ZMIZ1: variants seen among roughly 807,000 people sequenced by gnomAD.
The protein encoded by ZMIZ1 is zinc finger MIZ-type containing 1, also known as zinc finger MIZ domain-containing protein 1.
ZMIZ1 carries 17 observed loss-of-function variants against 113.9 expected under a neutral mutation model. The ratio of observed to expected loss-of-function variants is 0.15; its 90% CI spans 0.10 to 0.22. The LOEUF is 0.22. Ranked by LOEUF, ZMIZ1 falls within the 10% of genes least tolerant of loss-of-function variation. The probability of loss-of-function intolerance (pLI) is 1.00; values close to 1 mark genes in which losing one functional copy is unlikely to be tolerated. For synonymous variants in ZMIZ1, 607 were observed against 603.1 expected (o/e 1.01, Z -0.09); for missense variants, 1,059 against 1,477.8 (o/e 0.72, Z 4.65).
At chr10:79,199,848 A>G (rs1847996657) in intron 4 of ZMIZ1, among the ~76,000 whole-genome samples, 1 of 152,228 alleles carries the variant, frequency 6.6e-6, no homozygotes, top group Admixed American at 6.5e-5. Context: ...CAAGAGCTAC[A>G]CATCCTTTAA....
In ZMIZ1 at chr10:79,293,295, A is replaced by G. The variant is rs547227216; in HGVS notation, c.958-86A>G. ...CCCTCCCCACTCCTCCACCTCCCCA[A>G]CCCTTCCCTCCCTGCACTTTCAATG... On this transcript the variant is annotated intron_variant, in intron 11 of 24. Coordinates refer to ENST00000334512, the MANE Select transcript of ZMIZ1 (RefSeq NM_020338.4). The G allele has an allele frequency of 6.0e-4, 889 of 1,474,522 alleles. 2 individuals are homozygous for G. The African/African-American group carries it at 0.012, about 19-fold the overall frequency. The allele number at this position is 1,474,522 out of a possible 1,614,324, so 91.3% of individuals were successfully genotyped here. A position where few individuals can be genotyped will look rare whatever the true frequency, so the allele number is the denominator to read the frequency against.
In ZMIZ1 at chr10:79,081,028, C is replaced by T. The variant is rs148118038; in HGVS notation, c.-337+11758C>T. Among the ~76,000 whole-genome samples the T allele has an allele frequency of 5.3e-5, 8 of 152,276 alleles. No individual in the cohort carries two copies. The South Asian group carries it at 1.7e-3, about 32-fold the overall frequency. On this transcript the variant is annotated intron_variant, in intron 1 of 24. Coordinates refer to ENST00000334512, the MANE Select transcript of ZMIZ1 (RefSeq NM_020338.4). Reference sequence around the variant, plus strand: ...ATGACTTATGCCCCATCTACGCTATCCCCATAGAGCACCTTCCCATGTGGG... The same window carrying T: ...ATGACTTATGCCCCATCTACGCTATTCCCATAGAGCACCTTCCCATGTGGG...
At chr10:79,204,052 C>T (rs576433111) in intron 5 of ZMIZ1, among the ~76,000 whole-genome samples, 1 of 152,352 alleles carries the variant, frequency 6.6e-6, no homozygotes, top group African/African-American at 2.4e-5. Flanking sequence ...CATCTGTCTG[C>T]TCCACAGCTG....
At chr10:79,259,815 T>A (rs1851152455) in intron 7 of ZMIZ1, among the ~76,000 whole-genome samples, 1 of 152,190 alleles carries the variant, frequency 6.6e-6, no homozygotes, top group Non-Finnish European at 1.5e-5. Flanking sequence ...TTTCACCATG[T>A]TGGCCAAGCT....
intron 7 of ZMIZ1, among the ~76,000 whole-genome samples, chr10:79,235,148 T>C (rs1315816446): frequency 1.3e-5 from 2 of 152,214 alleles, no homozygotes; most frequent in African/African-American, 4.8e-5. Context: ...TGTCAGCTCA[T>C]GTCCAGAGCC....
chr10:79,305,037 C>G (rs1854585429), intron 19 of ZMIZ1, 127 bp from the exon 20 acceptor site: 1 of 1,041,992 alleles, frequency 9.6e-7, no homozygotes, highest in Non-Finnish European at 1.5e-6. Flanking sequence ...CACCCAGCCC[C>G]AGCCCGGGGT....
At chr10:79,079,090 C>T (rs1368061658) in intron 1 of ZMIZ1, among the ~76,000 whole-genome samples, 3 of 152,232 alleles carry the variant, frequency 2.0e-5, no homozygotes, top group East Asian at 1.9e-4. Flanking sequence ...TTTAACCCAC[C>T]CTCCAGCCTC....
At chr10:79,283,986 A>G (rs1108618) in intron 8 of ZMIZ1, among the ~76,000 whole-genome samples, 68,006 of 152,074 alleles carry the variant, frequency 0.45, 15,666 homozygotes, top group African/African-American at 0.56. Flanking sequence ...AATTAATTAG[A>G]GTCTGACAAT....
chr10:79,263,443 G>A (rs1265040249), intron 7 of ZMIZ1, among the ~76,000 whole-genome samples: 2 of 152,154 alleles, frequency 1.3e-5, no homozygotes, highest in African/African-American at 2.4e-5. Flanking sequence ...CCAGCAAAGC[G>A]CAGCCCATCT....
At chr10:79,290,162 T>A (rs2132025000) in intron 9 of ZMIZ1, among the ~76,000 whole-genome samples, 1 of 152,318 alleles carries the variant, frequency 6.6e-6, no homozygotes, top group East Asian at 1.9e-4. Context: ...CCTAGCCCAT[T>A]TGCTCTGGTA....
At chr10:79,266,087 C>T (rs1273855607) in intron 7 of ZMIZ1, among the ~76,000 whole-genome samples, 1 of 152,204 alleles carries the variant, frequency 6.6e-6, no homozygotes, top group Non-Finnish European at 1.5e-5. Flanking sequence ...CACTTGGAGG[C>T]CAGGGCTGAT....
intron 3 of ZMIZ1, among the ~76,000 whole-genome samples, chr10:79,161,079 G>A (rs892133268): frequency 1.3e-5 from 2 of 152,188 alleles, no homozygotes; most frequent in African/African-American, 2.4e-5. Context: ...TTGGTGGGCC[G>A]TTGAGGAGAT....
chr10:79,114,965 C>T (rs896696435), intron 1 of ZMIZ1, among the ~76,000 whole-genome samples: 5 of 152,178 alleles, frequency 3.3e-5, no homozygotes, highest in African/African-American at 1.2e-4. Flanking sequence ...GGAGGACTTG[C>T]TAAAAATTTA....
intron 1 of ZMIZ1, among the ~76,000 whole-genome samples, chr10:79,083,531 GC>G (rs554677972): frequency 4.7e-4 from 71 of 151,264 alleles, no homozygotes; most frequent in African/African-American, 1.7e-3. Context: ...TGATTTGGAA[GC>G]CACTGAAGGA....
At position 79,220,699 on chromosome 10, in the gene ZMIZ1, C is replaced by T. The variant is rs139349195; in HGVS notation, c.280+4425C>T. ...CCTGTCCATCTCTAGCTTCCCGTGG[C>T]TTTCTCTGCCTTCCTGGGTTTCTCT... On this transcript the variant is annotated intron_variant, in intron 7 of 24. Coordinates refer to ENST00000334512, the MANE Select transcript of ZMIZ1 (RefSeq NM_020338.4). Among the ~76,000 whole-genome samples, 181 of 152,344 alleles carry T rather than the reference C, an allele frequency of 1.2e-3. 1 individual carries two copies. The highest frequency in any genetic ancestry group is 2.1e-3 in the Non-Finnish European group (142 of 68,036).
intron 1 of ZMIZ1, among the ~76,000 whole-genome samples, chr10:79,103,291 T>C (rs536343402): frequency 1.1e-3 from 171 of 150,796 alleles, no homozygotes; most frequent in Non-Finnish European, 2.2e-3. Flanking sequence ...GCCGTGGGGA[T>C]GCCTGGGGTG....
chr10:79,275,067 T>C (rs779668940), intron 7 of ZMIZ1, among the ~76,000 whole-genome samples: 2 of 152,234 alleles, frequency 1.3e-5, no homozygotes, highest in African/African-American at 2.4e-5. Flanking sequence ...GGCGTGCAAA[T>C]GAGTTTCCAG....
intron 8 of ZMIZ1, among the ~76,000 whole-genome samples, chr10:79,280,072 T>A (rs763751803): frequency 1.3e-5 from 2 of 151,154 alleles, no homozygotes; most frequent in African/African-American, 4.9e-5. Flanking sequence ...GACTGCAAGC[T>A]CCGCCCCTGG....
chr10:79,165,948 C>CTGTGTGTGTGTGTG lies in ZMIZ1; in HGVS notation c.-50+3856_-50+3869dup, dbSNP rs1174980856. Among the ~76,000 whole-genome samples the CTGTGTGTGTGTGTG allele has an allele frequency of 4.9e-3, 290 of 59,790 alleles. 2 individuals are homozygous for CTGTGTGTGTGTGTG. Among genetic ancestry groups the CTGTGTGTGTGTGTG allele is most frequent in the East Asian group, 0.018 (43 of 2,372 alleles). 39.2% of individuals were successfully genotyped at this position (59,790 alleles called of 152,430 possible). A position where few individuals can be genotyped will look rare whatever the true frequency, so the allele number is the denominator to read the frequency against. ...CCTTGGCCTCCAAGCCCCAGCTCAGCTGTGTGTGTGTGTGTGTGTGTGTGT... is the reference window on the plus strand; with the variant it reads ...CCTTGGCCTCCAAGCCCCAGCTCAGCTGTGTGTGTGTGTGTGTGTGTGTGTGTGTGTGTGTGTGT... On this transcript the variant is annotated intron_variant, in intron 4 of 24. Coordinates refer to ENST00000334512, the MANE Select transcript of ZMIZ1 (RefSeq NM_020338.4).
Sources: gnomAD v4.1 joint callset for allele counts (sites outside exome capture counted in the v4.1 genomes callset) on GRCh38, gnomAD v4.1.1 for gene constraint, MANE v1.5 for transcripts, NCBI Gene and HGNC (gene_info 2026-07-23, HGNC 2026-07-21) for gene names.